Variants in TNS1 observed in about 807,000 individuals in gnomAD.
The protein encoded by TNS1 is tensin 1.
A neutral mutation model predicts 168.6 loss-of-function variants in TNS1; 62 were observed. That is an observed-to-expected ratio of 0.37 (90% CI 0.30 to 0.45). TNS1 has a LOEUF of 0.45. Among genes scored for constraint, TNS1 ranks in the 20% least tolerant of loss-of-function variants. The pLI is 1.00. For synonymous variants in TNS1, 934 were observed against 933.2 expected, an observed-to-expected ratio of 1.00 and a Z score of -0.02; for missense variants, 2,240 against 2,339.4, an observed-to-expected ratio of 0.96 and a Z score of 0.88.
chr2:217,805,881 A>AC (rs1309979227), intron 32 of TNS1, among the ~76,000 whole-genome samples: 107 of 106,402 alleles, frequency 1.0e-3, no homozygotes, highest in Non-Finnish European at 1.7e-3. Flanking sequence ...ACATATACAC[A>AC]CACCACACAC....
chr2:217,884,306 G>GACAGACGGATGGATGA (rs1950981352), intron 16 of TNS1, among the ~76,000 whole-genome samples: 1 of 152,108 alleles, frequency 6.6e-6, no homozygotes, highest in Admixed American at 6.5e-5. Flanking sequence ...CAGATGGATG[G>GACAGACGGATGGATGA]ACAGACGGAT....
chr2:217,890,771 C>T, intron 12 of TNS1, 191 bp downstream of exon 12: 1 of 618,994 alleles, frequency 1.6e-6, no homozygotes, highest in Non-Finnish European at 2.9e-6. Context: ...TGCGGGCACA[C>T]ACCACAGGCT....
intron 3 of TNS1, among the ~76,000 whole-genome samples, chr2:217,968,578 T>TA (rs1280816242): frequency 3.9e-5 from 6 of 151,902 alleles, no homozygotes; most frequent in Admixed American, 3.9e-4. Flanking sequence ...ACAAAAGAAG[T>TA]AAAAAATATA....
At chr2:217,836,776 T>G (rs1945232662) in intron 19 of TNS1, among the ~76,000 whole-genome samples, 2 of 152,190 alleles carry the variant, frequency 1.3e-5, no homozygotes, top group South Asian at 4.1e-4. Flanking sequence ...CTTCATCCGG[T>G]GTACCGCTGA....
chr2:217,920,054 C>G lies in TNS1; in HGVS notation c.228+141G>C, dbSNP rs1366456940. 4.5e-6 allele frequency: 3 copies of G among 671,168 alleles called. No homozygotes were observed. In the East Asian group the frequency reaches 8.1e-5, roughly 18 times the overall value. 41.6% of individuals were successfully genotyped at this position (671,168 alleles called of 1,614,324 possible). A position where few individuals can be genotyped will look rare whatever the true frequency, so the allele number is the denominator to read the frequency against. On this transcript the variant is annotated intron_variant, in intron 4 of 32. Transcript: ENST00000682258. Reference sequence around the variant, plus strand: ...CATTTCCTCCCAGGCCCGCTTCGGCCCAGGGAGGTCGACCCTCCTCCTCCA... The same window carrying G: ...CATTTCCTCCCAGGCCCGCTTCGGCGCAGGGAGGTCGACCCTCCTCCTCCA...
chr2:217,882,393 T>C lies in TNS1; in HGVS notation c.1265A>G (p.Tyr422Cys), dbSNP rs1297739777. 5.6e-6 allele frequency: 9 copies of C among 1,605,156 alleles called. No homozygotes were observed. Among genetic ancestry groups the C allele is most frequent in the Non-Finnish European group, 7.6e-6 (9 of 1,177,600 alleles). Residue 422 changes from tyrosine (Y) to cysteine (C), a missense_variant, in exon 17 of 33, where the codon TAT becomes TGT. Physicochemically the swap from Tyr to Cys is radical, Grantham distance 194. Transcript: ENST00000682258. ...DAFKDDRFPE[Y>C]GKVEFVFSYG... ...AGAAAATACAAACTCCACTTTGCCA[T>C]ACTCTGGAAATCGATCATCTGGAAA... is the stretch of plus-strand genomic sequence containing the variant.
upstream of TNS1, among the ~76,000 whole-genome samples, chr2:218,003,960 AG>A (rs768261480): frequency 8.2e-4 from 125 of 152,196 alleles, no homozygotes; most frequent in Non-Finnish European, 1.3e-3. Context: ...AAAACCCAAA[AG>A]TATTCCCACG....
intron 18 of TNS1, among the ~76,000 whole-genome samples, chr2:217,858,175 T>TA (rs1201662974): frequency 6.6e-6 from 1 of 151,930 alleles, no homozygotes; most frequent in African/African-American, 2.4e-5. Context: ...GACGAACCGT[T>TA]ACCCCCACAA....
chr2:217,976,153 C>T (rs192920284), intron 3 of TNS1, among the ~76,000 whole-genome samples: 56 of 152,314 alleles, frequency 3.7e-4, no homozygotes, highest in African/African-American at 1.2e-3. Flanking sequence ...CAGCTCATTC[C>T]CTTCAAAACT....
chr2:217,906,343 C>T lies in TNS1; in HGVS notation c.313G>A (p.Glu105Lys), dbSNP rs951939770. The T allele has an allele frequency of 7.1e-6, 5 of 699,924 alleles. No individual in the cohort carries two copies. Among genetic ancestry groups the T allele is most frequent in the African/African-American group, 1.8e-5 (1 of 56,996 alleles). The allele number at this position is 699,924 out of a possible 1,614,324, so 43.4% of individuals were successfully genotyped here. ...SRGGNTRKSLEDNGSTRVTPS... is the reference protein window; with the variant it reads ...SRGGNTRKSLKDNGSTRVTPS... ...TCCCCATCCACACTCACGTTGTCCT[C>T]GAGGCTTTTCCGTGTGTTTCCACCC... The change falls in exon 6 of 33, where the codon GAG (glutamate) becomes AAG (lysine). Residue 105 changes from glutamate (E) to lysine (K), a missense_variant. This residue lies in a region of TNS1 where 2,131 missense variants were observed against 2,171.2 expected (regional missense o/e 0.98). Transcript: ENST00000682258.
intron 19 of TNS1, among the ~76,000 whole-genome samples, chr2:217,845,776 G>C (rs1482946930): frequency 2.0e-5 from 3 of 152,194 alleles, no homozygotes; most frequent in Admixed American, 2.0e-4. Flanking sequence ...CATCCTCCCA[G>C]GGCCATTAGG....
intron 4 of TNS1, among the ~76,000 whole-genome samples, chr2:217,918,424 G>A (rs1054666414): frequency 6.6e-6 from 1 of 152,224 alleles, no homozygotes; most frequent in African/African-American, 2.4e-5. Context: ...CCACCAGGTG[G>A]CTGATCCAGC....
At chr2:218,015,592 T>C (rs956577015) in intron 1 of TNS1, among the ~76,000 whole-genome samples, 1 of 152,144 alleles carries the variant, frequency 6.6e-6, no homozygotes, top group East Asian at 1.9e-4. Context: ...TTCTGCACAA[T>C]GAATGCCTTC....
Position 217,948,184 on chromosome 2 carries a change from G to C in TNS1, c.187-27948C>G, listed in dbSNP as rs143519337. 6.0e-3 allele frequency among the ~76,000 whole-genome samples: 914 copies of C among 152,330 alleles called. 10 individuals are homozygous for C. Among genetic ancestry groups the C allele is most frequent in the African/African-American group, 0.021 (860 of 41,570 alleles). The stretch of plus-strand genomic sequence containing the variant: ...CACTAAGGTGAAGTTCCTCTGAGCT[G>C]CGCTAAAAGCTGACAAGATTCCCAG... On this transcript the variant is annotated intron_variant, in intron 3 of 32. Transcript: ENST00000682258. This position sits in a 1 kb window ranked among gnomAD's most constrained non-coding sequence, Gnocchi z 4.1.
intron 18 of TNS1, among the ~76,000 whole-genome samples, chr2:217,864,931 G>A (rs1949122963): frequency 6.6e-6 from 1 of 152,216 alleles, no homozygotes; most frequent in South Asian, 2.1e-4. Context: ...CAGTGGGGCA[G>A]AGATCCATGT....
chr2:217,958,743 G>T (rs1291681093), intron 3 of TNS1, among the ~76,000 whole-genome samples: 2 of 152,204 alleles, frequency 1.3e-5, no homozygotes, highest in African/African-American at 4.8e-5. Context: ...AACCGCCCAG[G>T]CAGGCAGGTA....
At chr2:217,966,298 T>C (rs1459505770) in intron 3 of TNS1, among the ~76,000 whole-genome samples, 1 of 146,324 alleles carries the variant, frequency 6.8e-6, no homozygotes, top group Non-Finnish European at 1.5e-5. Flanking sequence ...TGTGTGTGTG[T>C]GTGTGTGTGT....
intron 1 of TNS1, among the ~76,000 whole-genome samples, chr2:218,008,276 G>A (rs1958677587): frequency 6.6e-6 from 1 of 152,180 alleles, no homozygotes; most frequent in Non-Finnish European, 1.5e-5. Context: ...CGCAAAGGCT[G>A]GAGGGAGGCA....
upstream of TNS1, among the ~76,000 whole-genome samples, chr2:218,005,276 C>T (rs959032249): frequency 5.3e-5 from 8 of 152,196 alleles, no homozygotes; most frequent in Non-Finnish European, 8.8e-5. Context: ...AAAACCAAGT[C>T]ACAGTGACAC....
Sources: allele counts gnomAD v4.1 joint callset (sites outside exome capture counted in the v4.1 genomes callset), GRCh38; gene constraint gnomAD v4.1.1; regional missense constraint gnomAD v4.1.1; non-coding constraint Gnocchi (gnomAD v3.1); transcripts MANE v1.5; gene names NCBI Gene and HGNC (gene_info 2026-07-23, HGNC 2026-07-21).